ZNF667: variants seen among roughly 807,000 people sequenced by gnomAD.
The protein encoded by ZNF667 is myocardial ischemic preconditioning upregulated 1 ortholog.
A neutral mutation model predicts 31.8 loss-of-function variants in ZNF667; 13 were observed. That is an observed-to-expected ratio of 0.41 (90% CI 0.27 to 0.65). The LOEUF is 0.65. Among genes scored for constraint, ZNF667 ranks in the 30% least tolerant of loss-of-function variants. The pLI is 0.32. For synonymous variants in ZNF667, 228 were observed against 247.1 expected (o/e 0.92, Z 0.73); for missense variants, 642 against 725.6 (o/e 0.88, Z 1.32).
At chr19:56,458,268 G>A (rs374516152) in intron 5 of ZNF667, 21 bp from the exon 6 acceptor site, 4 of 1,609,092 alleles carry the variant, frequency 2.5e-6, no homozygotes, top group Non-Finnish European at 3.4e-6. Flanking sequence ...GACAAACATG[G>A]GAAATGATCA....
In ZNF667 at chr19:56,472,121, A is replaced by G. The variant is rs2043305322; in HGVS notation, c.-482T>C. ...GAACTGTGAGTCTGGGTATGTCTTT[A>G]TCAGCAGCACGAAAACAGACTCATA... On this transcript the variant is annotated 5_prime_UTR_variant, in exon 3 of 7. Coordinates refer to ENST00000504904, the MANE Select transcript of ZNF667 (RefSeq NM_001321356.2). 1 of 152,206 alleles carries G rather than the reference A, an allele frequency of 6.6e-6. No homozygotes were observed. Among genetic ancestry groups the G allele is most frequent in the African/African-American group, 2.4e-5 (1 of 41,442 alleles). 9.4% of individuals were successfully genotyped at this position (152,206 alleles called of 1,614,324 possible). A position where few individuals can be genotyped will look rare whatever the true frequency, so the allele number is the denominator to read the frequency against.
At chr19:56,450,336 CA>C (rs563299098) in intron 6 of ZNF667, among the ~76,000 whole-genome samples, 2 of 152,084 alleles carry the variant, frequency 1.3e-5, no homozygotes, top group East Asian at 3.9e-4. Flanking sequence ...CTGAAGAAAA[CA>C]AAAACATTTA....
In ZNF667 at chr19:56,452,049, C is replaced by CT. The variant is rs1342164454; in HGVS notation, c.253+6105dup. On this transcript the variant is annotated intron_variant, in intron 6 of 6. Transcript: ENST00000504904. ...GACCAGTGGGTCAATGAAGAAATCT[C>CT]TTTTTTTTTTTTTTTTGAGACAGAG... Among the ~76,000 whole-genome samples, 516 of 139,282 alleles carry CT rather than the reference C, an allele frequency of 3.7e-3. 1 individual carries two copies. The highest frequency in any genetic ancestry group is 0.011 in the Middle Eastern group (3 of 274). The allele number at this position is 139,282 out of a possible 152,430, so 91.4% of individuals were successfully genotyped here.
intron 1 of ZNF667, chr19:56,474,379 C>T (rs1039314051): frequency 6.6e-6 from 1 of 152,284 alleles, no homozygotes; most frequent in Admixed American, 6.5e-5. Context: ...CACTCCTGGC[C>T]TGAACCTGCC....
chr19:56,473,497 C>T lies in ZNF667; in HGVS notation c.-549+515G>A, dbSNP rs187425741. Among the ~76,000 whole-genome samples the T allele has an allele frequency of 2.8e-3, 426 of 152,326 alleles. 4 individuals are homozygous for T. The highest frequency in any genetic ancestry group is 4.3e-3 in the Non-Finnish European group (293 of 68,022). On this transcript the variant is annotated intron_variant, in intron 2 of 6. Transcript: ENST00000504904. ...TGAATATTACATGCATATAATGAGA[C>T]ACCACATATTAAAAGAAACAAAGTA...
At position 56,440,628 on chromosome 19, in the gene ZNF667, A is replaced by G; in HGVS notation, c.*534T>C. On this transcript the variant is annotated 3_prime_UTR_variant, in exon 7 of 7. Coordinates refer to ENST00000504904, the MANE Select transcript of ZNF667 (RefSeq NM_001321356.2). ...TTATCTTTAAAACTATGCTGGAAGT[A>G]AAATATCGGTAATTTTTTTTTTTTT... The G allele has an allele frequency of 2.1e-6, 2 of 966,380 alleles. No individual in the cohort carries two copies. Among genetic ancestry groups the G allele is most frequent in the South Asian group, 9.8e-5 (2 of 20,502 alleles). The allele number at this position is 966,380 out of a possible 1,614,324, so 59.9% of individuals were successfully genotyped here. A position where few individuals can be genotyped will look rare whatever the true frequency, so the allele number is the denominator to read the frequency against.
intron 3 of ZNF667, among the ~76,000 whole-genome samples, chr19:56,471,163 C>G (rs1003507176): frequency 2.0e-5 from 3 of 151,926 alleles, no homozygotes; most frequent in African/African-American, 4.8e-5. Context: ...CCCCACCCCC[C>G]CTGCCTCTTT....
chr19:56,460,580 G>T, intron 5 of ZNF667, 109 bp downstream of exon 5: 2 of 1,236,896 alleles, frequency 1.6e-6, no homozygotes, highest in Middle Eastern at 2.9e-4. Flanking sequence ...TCTCAATAAA[G>T]CTCTTTTAAA....
At chr19:56,465,701 CCTA>C (rs1240718760) in intron 3 of ZNF667, among the ~76,000 whole-genome samples, 2 of 152,176 alleles carry the variant, frequency 1.3e-5, no homozygotes, top group Non-Finnish European at 2.9e-5. Flanking sequence ...GGCTCTTAAC[CCTA>C]CTGTGTGGCA....
At chr19:56,473,757 A>G (rs1229810955) in intron 2 of ZNF667, among the ~76,000 whole-genome samples, 1 of 152,218 alleles carries the variant, frequency 6.6e-6, no homozygotes, top group East Asian at 1.9e-4. Context: ...CCAAGATAAA[A>G]TGGTATTATA....
At chr19:56,457,863 C>T (rs3745827) in intron 6 of ZNF667, among the ~76,000 whole-genome samples, 8 of 152,108 alleles carry the variant, frequency 5.3e-5, no homozygotes, top group African/African-American at 1.2e-4. Flanking sequence ...GTTTAAGTCA[C>T]GAAGGTGGAG....
At chr19:56,470,639 A>G (rs1009366137) in intron 3 of ZNF667, among the ~76,000 whole-genome samples, 3 of 152,124 alleles carry the variant, frequency 2.0e-5, no homozygotes, top group Admixed American at 6.5e-5. Context: ...GTGTGGTGAA[A>G]TGCTTCCGGA....
At chr19:56,474,809 G>C (rs569737256) in intron 1 of ZNF667, 1 of 152,278 alleles carries the variant, frequency 6.6e-6, no homozygotes, top group African/African-American at 2.4e-5. Context: ...AATCTCTGGG[G>C]ATTGAGTCTG....
chr19:56,443,291 T>C (rs1887237351), intron 6 of ZNF667, among the ~76,000 whole-genome samples: 1 of 152,192 alleles, frequency 6.6e-6, no homozygotes, highest in African/African-American at 2.4e-5. Context: ...TTTTAAAAAA[T>C]GTATTCTTAA....
chr19:56,460,456 A>T (rs1462489434), intron 5 of ZNF667, among the ~76,000 whole-genome samples: 2 of 152,224 alleles, frequency 1.3e-5, no homozygotes. Flanking sequence ...TTTGGGTGGA[A>T]ATAATGAAAA....
At position 56,441,099 on chromosome 19, in the gene ZNF667, CA is replaced by C. The variant is rs2042590195; in HGVS notation, c.*62del. ...ATATACACAAAATTTACATTATAGA[CA>C]AATACATATTTGCCATATGTTTGAT... is the stretch of plus-strand genomic sequence containing the variant. On this transcript the variant is annotated 3_prime_UTR_variant, in exon 7 of 7. Transcript: ENST00000504904. The surrounding 1 kb of genome is among the most constrained non-coding windows in gnomAD (Gnocchi z 4.2). 3.3e-6 allele frequency: 5 copies of C among 1,530,878 alleles called. No homozygotes were observed. Among genetic ancestry groups the C allele is most frequent in the Non-Finnish European group, 4.4e-6 (5 of 1,141,946 alleles). The allele number at this position is 1,530,878 out of a possible 1,614,324, so 94.8% of individuals were successfully genotyped here.
At chr19:56,461,324 TC>T (rs1250793494) in intron 4 of ZNF667, among the ~76,000 whole-genome samples, 16 of 152,212 alleles carry the variant, frequency 1.1e-4, no homozygotes, top group African/African-American at 3.9e-4. Flanking sequence ...GACAAAAGGT[TC>T]TTTGAGGGTA....
At chr19:56,457,893 ATCT>A (rs1312378892) in intron 6 of ZNF667, among the ~76,000 whole-genome samples, 2 of 152,302 alleles carry the variant, frequency 1.3e-5, no homozygotes, top group East Asian at 3.9e-4. Context: ...ATGAGATATC[ATCT>A]ATAATCACCT....
At chr19:56,473,566 A>C (rs565809942) in intron 2 of ZNF667, among the ~76,000 whole-genome samples, 3 of 152,186 alleles carry the variant, frequency 2.0e-5, no homozygotes, top group African/African-American at 7.2e-5. Context: ...TTTGCCCCCT[A>C]TGGGAAAACT....
Sources: gnomAD v4.1 joint callset for allele counts (sites outside exome capture counted in the v4.1 genomes callset) on GRCh38, gnomAD v4.1.1 for gene constraint, Gnocchi (gnomAD v3.1) non-coding constraint, MANE v1.5 for transcripts, NCBI Gene and HGNC (gene_info 2026-07-23, HGNC 2026-07-21) for gene names.